Variants in PUDP observed in about 807,000 individuals in gnomAD.
PUDP encodes pseudouridine 5'-phosphatase, also known as pseudouridine-5'-phosphatase.
PUDP carries 8 observed loss-of-function variants against 9.4 expected under a neutral mutation model. That is an observed-to-expected ratio of 0.85 (90% CI 0.50 to 1.53). PUDP has a LOEUF of 1.53. Ranked by LOEUF, PUDP falls within the 40% of genes most tolerant of loss-of-function variation. PUDP has a pLI of 0.00. For synonymous variants in PUDP, 99 were observed against 80.7 expected (o/e 1.23, Z -1.22); for missense variants, 188 against 189.7 (o/e 0.99, Z 0.05).
intron 3 of PUDP, among the ~76,000 whole-genome samples, chrX:6,970,924 G>A (rs1928864326): frequency 9.0e-6 from 1 of 110,719 alleles, no homozygotes; most frequent in African/African-American, 3.3e-5. Context: ...GGTAGCAGGT[G>A]CCTGTAATCC....
chrX:6,887,260 T>C (rs1025344016), intron 3 of PUDP, among the ~76,000 whole-genome samples: 5 of 107,548 alleles, frequency 4.6e-5, no homozygotes, highest in East Asian at 2.8e-4. Context: ...AATTATGATA[T>C]ATTATTTATA....
At chrX:6,726,968 G>C (rs1319116468) in intron 3 of PUDP, among the ~76,000 whole-genome samples, 1 of 111,654 alleles carries the variant, frequency 9.0e-6, no homozygotes, top group Non-Finnish European at 1.9e-5. Context: ...ATAATTCCAA[G>C]AAACACCATT....
intron 3 of PUDP, among the ~76,000 whole-genome samples, chrX:6,908,877 C>A (rs958485403): frequency 8.9e-6 from 1 of 111,885 alleles, no homozygotes; most frequent in African/African-American, 3.2e-5. Context: ...CCACTCATGA[C>A]CTACAAAATC....
At chrX:6,887,146 ATTAT>A (rs398121940) in intron 3 of PUDP, among the ~76,000 whole-genome samples, 1 of 73,369 alleles carries the variant, frequency 1.4e-5, no homozygotes, top group African/African-American at 3.8e-5. Flanking sequence ...ATTTAATTTA[ATTAT>A]TTAATTTAAT....
chrX:6,947,559 A>G (rs1928487287), intron 3 of PUDP, among the ~76,000 whole-genome samples: 1 of 111,997 alleles, frequency 8.9e-6, no homozygotes, highest in South Asian at 3.7e-4. Flanking sequence ...TTGAGAGGCC[A>G]AGGCAGGAGG....
chrX:6,756,683 G>T, intron 3 of PUDP, among the ~76,000 whole-genome samples: 1 of 112,522 alleles, frequency 8.9e-6, no homozygotes, highest in Admixed American at 9.4e-5. Flanking sequence ...GCTAGATGAA[G>T]ATACGTAACA....
intron 1 of PUDP, among the ~76,000 whole-genome samples, chrX:6,982,397 A>T (rs1346791334): frequency 9.0e-6 from 1 of 110,894 alleles, no homozygotes; most frequent in Admixed American, 9.6e-5. Flanking sequence ...GTGGGCAGGG[A>T]CTAGTGTAGG....
chrX:6,773,762 T>C (rs1403141646), intron 3 of PUDP, among the ~76,000 whole-genome samples: 9 of 111,449 alleles, frequency 8.1e-5, no homozygotes, highest in Non-Finnish European at 1.1e-4. Context: ...CCCCTTTCCA[T>C]GGCAATGACC....
intron 3 of PUDP, among the ~76,000 whole-genome samples, chrX:7,072,320 C>A (rs976229820): frequency 1.8e-5 from 2 of 111,663 alleles, no homozygotes; most frequent in African/African-American, 6.5e-5. Flanking sequence ...AGACAGATAC[C>A]GAATATACAC....
Position 6,990,129 on chromosome X carries a change from GCA to G in PUDP, c.205-11788_205-11787del, listed in dbSNP as rs373150266. Among the ~76,000 whole-genome samples, 12 of 106,864 alleles carry G rather than the reference GCA, an allele frequency of 1.1e-4. No homozygotes were observed. In the South Asian group the frequency reaches 2.4e-3, roughly 22 times the overall value. 92.8% of individuals were successfully genotyped at this position (106,864 alleles called of 115,157 possible). A position where few individuals can be genotyped will look rare whatever the true frequency, so the allele number is the denominator to read the frequency against. ...TAGGTTTACATGTGCAGGCGCGCAT[GCA>G]CACACACACACACACACACAAAGGC... On this transcript the variant is annotated intron_variant and NMD_transcript_variant, in intron 1 of 3. Transcript: ENST00000655425.
chrX:6,921,678 A>G (rs1050078512), intron 3 of PUDP, among the ~76,000 whole-genome samples: 2 of 109,784 alleles, frequency 1.8e-5, no homozygotes, highest in African/African-American at 6.6e-5. Context: ...TCAGTTTCAA[A>G]TATCCCATCC....
At chrX:7,110,127 G>C (rs1362391180) in intron 1 of PUDP, among the ~76,000 whole-genome samples, 2 of 111,915 alleles carry the variant, frequency 1.8e-5, no homozygotes, top group East Asian at 5.7e-4. Context: ...AGACTGGCGG[G>C]TGTTTTCATC....
At chrX:6,754,785 A>G (rs1398904827) in intron 3 of PUDP, among the ~76,000 whole-genome samples, 1 of 110,969 alleles carries the variant, frequency 9.0e-6, no homozygotes, top group Admixed American at 9.7e-5. Context: ...TTCTAACTGC[A>G]GCATCAATGC....
intron 3 of PUDP, among the ~76,000 whole-genome samples, chrX:6,877,782 A>C (rs1339870850): frequency 2.7e-5 from 3 of 111,513 alleles, no homozygotes; most frequent in Non-Finnish European, 5.6e-5. Context: ...AAGCTTTTTA[A>C]AATAAAGGTC....
chrX:6,749,399 G>A (rs1925038970), intron 3 of PUDP, among the ~76,000 whole-genome samples: 1 of 111,374 alleles, frequency 9.0e-6, no homozygotes, highest in Non-Finnish European at 1.9e-5. Flanking sequence ...AGTGGTTGGT[G>A]GGACTGAGCT....
chrX:6,854,116 C>A (rs1026431166), intron 3 of PUDP, among the ~76,000 whole-genome samples: 1 of 111,688 alleles, frequency 9.0e-6, no homozygotes, highest in Non-Finnish European at 1.9e-5. Flanking sequence ...ATCAGTACTT[C>A]CTTCCTTTTT....
chrX:6,762,889 T>C (rs1014991261), intron 3 of PUDP, among the ~76,000 whole-genome samples: 4 of 111,939 alleles, frequency 3.6e-5, no homozygotes, highest in African/African-American at 9.7e-5. Context: ...AATAAGGGCA[T>C]ACTCTAAAAA....
intron 3 of PUDP, among the ~76,000 whole-genome samples, chrX:6,801,984 AT>A (rs1172637605): frequency 1.8e-5 from 2 of 111,354 alleles, no homozygotes; most frequent in African/African-American, 3.3e-5. Flanking sequence ...CCAACGCAGT[AT>A]TTTTTTTCCC....
At chrX:6,772,385 G>A (rs1413559588) in intron 3 of PUDP, among the ~76,000 whole-genome samples, 1 of 110,513 alleles carries the variant, frequency 9.0e-6, no homozygotes, top group Non-Finnish European at 1.9e-5. Context: ...TGGTTTAAGG[G>A]GCTACAAGCA....
Sources: gnomAD v4.1 joint callset for allele counts (sites outside exome capture counted in the v4.1 genomes callset) on GRCh38, gnomAD v4.1.1 for gene constraint, MANE v1.5 for transcripts, NCBI Gene and HGNC (gene_info 2026-07-23, HGNC 2026-07-21) for gene names.